DYNC2H1: variants seen among roughly 807,000 people sequenced by gnomAD.
DYNC2H1 encodes cytoplasmic dynein 2 heavy chain 1.
DYNC2H1 carries 410 observed loss-of-function variants against 570.0 expected under a neutral mutation model. That is an observed-to-expected ratio of 0.72 (90% CI 0.66 to 0.78). DYNC2H1 has a LOEUF of 0.78. DYNC2H1 is among the 30% of genes least tolerant of loss of function. The pLI is 0.00. For synonymous variants in DYNC2H1, 1,688 were observed against 1,677.6 expected (o/e 1.01, Z -0.15); for missense variants, 4,865 against 5,046.4 (o/e 0.96, Z 1.09).
intron 83 of DYNC2H1, among the ~76,000 whole-genome samples, chr11:103,360,886 A>G (rs1001064567): frequency 2.0e-5 from 3 of 152,188 alleles, no homozygotes; most frequent in African/African-American, 7.2e-5. Flanking sequence ...GAGAAGACCT[A>G]TTTTGGCCTG....
At chr11:103,450,022 T>C (rs886430186) in intron 85 of DYNC2H1, among the ~76,000 whole-genome samples, 1 of 152,214 alleles carries the variant, frequency 6.6e-6, no homozygotes, top group Non-Finnish European at 1.5e-5. Context: ...AGATGTATCA[T>C]GCTAACACTA....
At chr11:103,450,874 AT>A (rs1476472914) in intron 85 of DYNC2H1, among the ~76,000 whole-genome samples, 1 of 152,132 alleles carries the variant, frequency 6.6e-6, no homozygotes, top group Non-Finnish European at 1.5e-5. Flanking sequence ...ATATTTTGAT[AT>A]TTTCCCCATA....
At chr11:103,284,142 T>C (rs1018120081) in intron 73 of DYNC2H1, among the ~76,000 whole-genome samples, 1 of 152,178 alleles carries the variant, frequency 6.6e-6, no homozygotes, top group Non-Finnish European at 1.5e-5. Flanking sequence ...GACTTCGGCC[T>C]GTCTTCAGCA....
chr11:103,315,101 A>T (rs77270417), intron 79 of DYNC2H1, among the ~76,000 whole-genome samples: 25,003 of 151,584 alleles, frequency 0.16, 2,233 homozygotes, highest in Admixed American at 0.25. Context: ...TTCTTTTTTT[A>T]AAAAAGTATC....
At chr11:103,154,959 GA>G (rs1183206827) in intron 24 of DYNC2H1, 150 bp downstream of exon 24, 13 of 654,254 alleles carry the variant, frequency 2.0e-5, no homozygotes, top group African/African-American at 1.7e-4. Flanking sequence ...GTAAACCATA[GA>G]AATTATTGAT....
rs771285549 is a variant in DYNC2H1 at position 103,399,309 on chromosome 11, ATTTTTT to A, written c.12157-341_12157-336del. Among the ~76,000 whole-genome samples the A allele has an allele frequency of 4.0e-3, 377 of 93,744 alleles. 5 individuals carry two copies. The highest frequency in any genetic ancestry group is 0.016 in the African/African-American group (345 of 21,022). The allele number at this position is 93,744 out of a possible 152,430, so 61.5% of individuals were successfully genotyped here. A position where few individuals can be genotyped will look rare whatever the true frequency, so the allele number is the denominator to read the frequency against. On this transcript the variant is annotated intron_variant, in intron 83 of 88. Transcript: ENST00000375735. Reference sequence around the variant, plus strand: ...AGGTGCACACCACCATATTCGGCTAATTTTTTTTTTTTTTTTTTGTATTTTTAGTAG... The same window carrying A: ...AGGTGCACACCACCATATTCGGCTAATTTTTTTTTTTTGTATTTTTAGTAG...
At chr11:103,265,515 C>T (rs952977295) in intron 70 of DYNC2H1, among the ~76,000 whole-genome samples, 6 of 152,250 alleles carry the variant, frequency 3.9e-5, no homozygotes, top group Admixed American at 3.9e-4. Flanking sequence ...CAGTTGTATT[C>T]TTCTCTATAC....
chr11:103,240,441 C>A (rs1399193745), intron 63 of DYNC2H1, among the ~76,000 whole-genome samples: 4 of 152,028 alleles, frequency 2.6e-5, no homozygotes, highest in Non-Finnish European at 5.9e-5. Context: ...TAGTATAGAA[C>A]TCATTTTTCT....
chr11:103,317,988 A>C (rs772000327), intron 80 of DYNC2H1, among the ~76,000 whole-genome samples: 1 of 152,154 alleles, frequency 6.6e-6, no homozygotes, highest in African/African-American at 2.4e-5. Context: ...GGTTTATAAC[A>C]GTGCCTAGCC....
chr11:103,189,001 A>T lies in DYNC2H1; in HGVS notation c.7292+353A>T, dbSNP rs1219088645. ...CCATCAAATTTATGAAGATAACAAAAAGAGAATTTCAATCTGAACAAGGGA... is the reference window on the plus strand; with the variant it reads ...CCATCAAATTTATGAAGATAACAAATAGAGAATTTCAATCTGAACAAGGGA... On this transcript the variant is annotated intron_variant, in intron 44 of 88. Coordinates refer to ENST00000375735, the MANE Select transcript of DYNC2H1 (RefSeq NM_001377.3). The surrounding 1 kb of genome is among the most constrained non-coding windows in gnomAD (Gnocchi z 4.3). Among the ~76,000 whole-genome samples the T allele has an allele frequency of 6.6e-6, 1 of 152,070 alleles. No homozygotes were observed. The highest frequency in any genetic ancestry group is 1.5e-5 in the Non-Finnish European group (1 of 67,980).
chr11:103,323,895 G>T lies in DYNC2H1; in HGVS notation c.11944G>T (p.Ala3982Ser), dbSNP rs1938336384. ...ACTTCTTTATATTTAGGACTATCGT[G>T]CTGTCATTGAGAAAATTCCAGAGGA... ...PQSCSILDYR[A>S]VIEKIPEDDK... The change falls in exon 82 of 89, where the codon GCT (alanine) becomes TCT (serine). Residue 3982 changes from alanine (A) to serine (S), a missense_variant. Around this residue, in one of 5 missense-constraint regions of DYNC2H1, gnomAD observed 2,401 missense variants for 2,454.6 expected, o/e 0.98. Transcript: ENST00000375735. 1 of 1,611,890 alleles carries T rather than the reference G, an allele frequency of 6.2e-7. No homozygotes were observed. The highest frequency in any genetic ancestry group is 8.5e-7 in the Non-Finnish European group (1 of 1,178,718).
At chr11:103,371,067 G>C (rs1377243531) in intron 83 of DYNC2H1, among the ~76,000 whole-genome samples, 1 of 152,020 alleles carries the variant, frequency 6.6e-6, no homozygotes, top group Non-Finnish European at 1.5e-5. Flanking sequence ...TCAACACAGA[G>C]AAGGAGCTCA....
At chr11:103,140,198 C>T (rs997761082) in intron 17 of DYNC2H1, among the ~76,000 whole-genome samples, 7 of 151,632 alleles carry the variant, frequency 4.6e-5, no homozygotes, top group African/African-American at 1.7e-4. Flanking sequence ...TTAATTGTGT[C>T]TTTAATATTC....
Position 103,282,995 on chromosome 11 carries a change from G to A in DYNC2H1, c.10813-13G>A, listed in dbSNP as rs1866203329. 2 of 1,585,876 alleles carry A rather than the reference G, an allele frequency of 1.3e-6. No homozygotes were observed. The highest frequency in any genetic ancestry group is 1.7e-6 in the Non-Finnish European group (2 of 1,164,970). ...ACCAAGTATACTAAGGAAAATAATTGCTTTTATTAAAGGACTCTCAACAAA... is the reference window on the plus strand; with the variant it reads ...ACCAAGTATACTAAGGAAAATAATTACTTTTATTAAAGGACTCTCAACAAA... On this transcript the variant is annotated splice_polypyrimidine_tract_variant and intron_variant, in intron 72 of 88. Coordinates refer to ENST00000375735, the MANE Select transcript of DYNC2H1 (RefSeq NM_001377.3).
Position 103,158,826 on chromosome 11 carries a change from A to C in DYNC2H1, c.4260+17A>C, listed in dbSNP as rs761037687. ...TTTTTGGAGGCATGTTTTTTAAGAA[A>C]AAAATATATAATAAATTGTAAAGTA... is the stretch of plus-strand genomic sequence containing the variant. On this transcript the variant is annotated intron_variant, in intron 27 of 88. Coordinates refer to ENST00000375735, the MANE Select transcript of DYNC2H1 (RefSeq NM_001377.3). 1 of 1,454,312 alleles carries C rather than the reference A, an allele frequency of 6.9e-7. No individual in the cohort carries two copies. The highest frequency in any genetic ancestry group is 1.4e-5 in the South Asian group (1 of 72,886). 90.1% of individuals were successfully genotyped at this position (1,454,312 alleles called of 1,614,324 possible). A position where few individuals can be genotyped will look rare whatever the true frequency, so the allele number is the denominator to read the frequency against.
chr11:103,223,728 A>T (rs922290453), intron 59 of DYNC2H1, among the ~76,000 whole-genome samples: 1 of 145,074 alleles, frequency 6.9e-6, no homozygotes, highest in African/African-American at 2.6e-5. Context: ...TTGGAAATTT[A>T]AGACTTTTAT....
At chr11:103,240,230 T>C (rs1361126789) in intron 63 of DYNC2H1, among the ~76,000 whole-genome samples, 1 of 152,170 alleles carries the variant, frequency 6.6e-6, no homozygotes, top group East Asian at 1.9e-4. Flanking sequence ...TTGTTAACCT[T>C]GTCCATTGGT....
At chr11:103,287,683 C>T (rs897709826) in intron 75 of DYNC2H1, 78 bp downstream of exon 75, 40 of 1,194,382 alleles carry the variant, frequency 3.3e-5, no homozygotes, top group Non-Finnish European at 4.7e-5. Flanking sequence ...TTTATGTTAG[C>T]CTGAGTTTAG....
intron 85 of DYNC2H1, among the ~76,000 whole-genome samples, chr11:103,443,088 A>C (rs1944319892): frequency 6.6e-6 from 1 of 151,954 alleles, no homozygotes; most frequent in Non-Finnish European, 1.5e-5. Flanking sequence ...TTTGGTAAAG[A>C]AGAAGAAATG....
Sources: gnomAD v4.1 joint callset for allele counts (sites outside exome capture counted in the v4.1 genomes callset) on GRCh38, gnomAD v4.1.1 for gene constraint, gnomAD v4.1.1 regional missense constraint, Gnocchi (gnomAD v3.1) non-coding constraint, MANE v1.5 for transcripts, NCBI Gene and HGNC (gene_info 2026-07-23, HGNC 2026-07-21) for gene names.